The following GFRA1 variants were observed in gnomAD, a reference collection of about 807,000 sequenced individuals.
GFRA1 encodes GDNF family receptor alpha 1, also known as GDNF family receptor alpha-1.
GFRA1 carries 16 observed loss-of-function variants against 51.6 expected under a neutral mutation model. The observed-to-expected ratio is 0.31, with a 90% confidence interval of 0.21 to 0.47. The LOEUF (loss-of-function observed/expected upper bound fraction) is 0.47, where lower values mean the gene tolerates loss of function less well. Among genes scored for constraint, GFRA1 ranks in the 20% least tolerant of loss-of-function variants. The pLI, the probability that GFRA1 is intolerant of heterozygous loss-of-function variation, is 1.00. For synonymous variants in GFRA1, 270 were observed against 241.3 expected, an observed-to-expected ratio of 1.12 and a Z score of -1.10; for missense variants, 530 against 594.3, an observed-to-expected ratio of 0.89 and a Z score of 1.13.
chr10:116,123,024 T>TG (rs1394680540), intron 6 of GFRA1, among the ~76,000 whole-genome samples: 1 of 152,240 alleles, frequency 6.6e-6, no homozygotes, highest in African/African-American at 2.4e-5. Context: ...GGCCAGGAAT[T>TG]GGAGTTTCAC....
intron 4 of GFRA1, among the ~76,000 whole-genome samples, chr10:116,242,891 A>G (rs1967522117): frequency 6.6e-6 from 1 of 152,206 alleles, no homozygotes; most frequent in South Asian, 2.1e-4. Flanking sequence ...TAAGGTGTAC[A>G]ACATGATGTT....
At chr10:116,253,820 G>T (rs1968587684) in intron 4 of GFRA1, among the ~76,000 whole-genome samples, 1 of 152,084 alleles carries the variant, frequency 6.6e-6, no homozygotes, top group South Asian at 2.1e-4. Flanking sequence ...AATCAAAAAG[G>T]CAATAAGCCG....
At chr10:116,125,125 T>G in intron 6 of GFRA1, 96 bp downstream of exon 6, 1 of 1,078,692 alleles carries the variant, frequency 9.3e-7, no homozygotes, top group Non-Finnish European at 1.4e-6. Flanking sequence ...CTCCTCTACC[T>G]TGGTAGAAGC....
chr10:116,269,999 G>A (rs558397666), intron 3 of GFRA1, among the ~76,000 whole-genome samples: 6 of 152,278 alleles, frequency 3.9e-5, no homozygotes, highest in African/African-American at 1.2e-4. Context: ...AGGTACCATG[G>A]CTATTAAACA....
At chr10:116,232,508 A>C (rs1261864142) in intron 4 of GFRA1, among the ~76,000 whole-genome samples, 1 of 152,156 alleles carries the variant, frequency 6.6e-6, no homozygotes, top group African/African-American at 2.4e-5. Context: ...CATACAAAAA[A>C]AAAAAAAATA....
intron 5 of GFRA1, among the ~76,000 whole-genome samples, chr10:116,126,894 C>T (rs2420235): frequency 0.23 from 34,603 of 152,026 alleles, 3,966 homozygotes; most frequent in Middle Eastern, 0.26. Context: ...AAAGGGCACA[C>T]GGTATATTAT....
intron 5 of GFRA1, among the ~76,000 whole-genome samples, chr10:116,206,867 C>T (rs892199915): frequency 6.6e-6 from 1 of 151,892 alleles, no homozygotes; most frequent in African/African-American, 2.4e-5. Context: ...CTCCTGACCT[C>T]GTGATCCACC....
chr10:116,239,725 A>G (rs912233923), intron 4 of GFRA1, among the ~76,000 whole-genome samples: 3 of 152,234 alleles, frequency 2.0e-5, no homozygotes, highest in African/African-American at 4.8e-5. Context: ...ATAGACACGT[A>G]TCATCTTCAA....
At chr10:116,215,466 A>G (rs1383887522) in intron 4 of GFRA1, among the ~76,000 whole-genome samples, 1 of 152,206 alleles carries the variant, frequency 6.6e-6, no homozygotes, top group Non-Finnish European at 1.5e-5. Context: ...CAATCTAACC[A>G]ACCACAAAGT....
chr10:116,210,866 G>A (rs1267439190), intron 5 of GFRA1, among the ~76,000 whole-genome samples: 1 of 152,166 alleles, frequency 6.6e-6, no homozygotes, highest in African/African-American at 2.4e-5. Flanking sequence ...AAACAGTGAT[G>A]CCCTGCTACT....
At chr10:116,178,729 C>A (rs1961906973) in intron 5 of GFRA1, among the ~76,000 whole-genome samples, 1 of 152,214 alleles carries the variant, frequency 6.6e-6, no homozygotes, top group Admixed American at 6.5e-5. Context: ...CTGAGCGAGG[C>A]TGGAGAAACA....
intron 6 of GFRA1, among the ~76,000 whole-genome samples, chr10:116,111,306 G>A (rs1008311646): frequency 5.3e-5 from 8 of 152,232 alleles, no homozygotes; most frequent in African/African-American, 1.9e-4. Context: ...GTGAGGGCAA[G>A]GTCCCAACTG....
chr10:116,066,681 A>G (rs766171627), intron 9 of GFRA1, among the ~76,000 whole-genome samples: 1 of 152,210 alleles, frequency 6.6e-6, no homozygotes, highest in South Asian at 2.1e-4. Context: ...CAATTCCTAA[A>G]TGAAAATGTG....
intron 4 of GFRA1, among the ~76,000 whole-genome samples, chr10:116,255,960 C>G (rs1482012600): frequency 6.6e-6 from 1 of 152,142 alleles, no homozygotes; most frequent in Admixed American, 6.5e-5. Context: ...TCTACTATTC[C>G]TGTTTCATGC....
chr10:116,223,271 C>G (rs1490501939), intron 4 of GFRA1, among the ~76,000 whole-genome samples: 1 of 152,174 alleles, frequency 6.6e-6, no homozygotes. Flanking sequence ...ATTTGTTTCT[C>G]TGGAAGCAGG....
At chr10:116,067,816 A>T in intron 9 of GFRA1, among the ~76,000 whole-genome samples, 1 of 152,330 alleles carries the variant, frequency 6.6e-6, no homozygotes, top group East Asian at 1.9e-4. Flanking sequence ...AGACACACAC[A>T]GGTGTAAACT....
chr10:116,202,136 A>G (rs1196297773), intron 5 of GFRA1, among the ~76,000 whole-genome samples: 1 of 152,178 alleles, frequency 6.6e-6, no homozygotes, highest in East Asian at 1.9e-4. Context: ...ATTCAAAATA[A>G]AAGACAAGCT....
intron 5 of GFRA1, among the ~76,000 whole-genome samples, chr10:116,203,248 T>G (rs558768682): frequency 4.0e-4 from 61 of 152,248 alleles, no homozygotes; most frequent in Admixed American, 2.4e-3. Flanking sequence ...AACAAAAAAT[T>G]TGTATGAATC....
chr10:116,162,065 T>C (rs1188553083), intron 5 of GFRA1, among the ~76,000 whole-genome samples: 1 of 152,230 alleles, frequency 6.6e-6, no homozygotes, highest in East Asian at 1.9e-4. Flanking sequence ...AAGCTCAAGC[T>C]TTCTGAACAA....
Sources: gnomAD v4.1 joint callset for allele counts (sites outside exome capture counted in the v4.1 genomes callset) on GRCh38, gnomAD v4.1.1 for gene constraint, MANE v1.5 for transcripts, NCBI Gene and HGNC (gene_info 2026-07-23, HGNC 2026-07-21) for gene names.